Variants in TDRD5 observed in about 807,000 individuals in gnomAD.
TDRD5 encodes tudor domain-containing protein 5.
Under a neutral mutation model 120.6 loss-of-function variants are expected in TDRD5, and 41 were observed. The ratio of observed to expected loss-of-function variants is 0.34; its 90% CI spans 0.26 to 0.44. TDRD5 has a LOEUF of 0.44. Among genes scored for constraint, TDRD5 ranks in the 20% least tolerant of loss-of-function variants. TDRD5 has a pLI of 1.00. For missense variants in TDRD5, 1,006 were observed against 1,221.2 expected, an observed-to-expected ratio of 0.82 and a Z score of 2.63; for synonymous variants, 430 against 433.7, an observed-to-expected ratio of 0.99 and a Z score of 0.11.
intron 17 of TDRD5, 38 bp from the exon 18 acceptor site, chr1:179,690,658 C>T (rs760813676): frequency 5.6e-6 from 9 of 1,596,994 alleles, no homozygotes; most frequent in Non-Finnish European, 6.8e-6. Flanking sequence ...AGTATGAGTA[C>T]CCCTTGAAAA....
rs1426964361 is a variant in TDRD5, at chr1:179,616,012, G to A, written c.832-2587G>A. 2.6e-5 allele frequency among the ~76,000 whole-genome samples: 4 copies of A among 151,938 alleles called. No homozygotes were observed. In the East Asian group the frequency reaches 5.8e-4, roughly 22 times the overall value. Reference sequence around the variant, plus strand: ...ATGGCTGTGTTCTAATAAAACTATGGACACTGAAATTTGAATTTCATATAA... The same window carrying A: ...ATGGCTGTGTTCTAATAAAACTATGAACACTGAAATTTGAATTTCATATAA... On this transcript the variant is annotated intron_variant, in intron 4 of 17. Transcript: ENST00000444136.
chr1:179,639,130 A>G (rs578231775), intron 9 of TDRD5, among the ~76,000 whole-genome samples: 217 of 152,376 alleles, frequency 1.4e-3, no homozygotes, highest in Non-Finnish European at 2.6e-3. Context: ...GTGAGACAGT[A>G]TATAGCAAGA....
chr1:179,598,808 G>A (rs1001983695), intron 4 of TDRD5, among the ~76,000 whole-genome samples: 5 of 151,818 alleles, frequency 3.3e-5, no homozygotes, highest in Non-Finnish European at 5.9e-5. Context: ...AGACCGTCAT[G>A]CCATCTGAGA....
At position 179,639,865 on chromosome 1, in the gene TDRD5, C is replaced by T. The variant is rs766460859; in HGVS notation, c.1547C>T (p.Ser516Phe). 2 of 1,613,944 alleles carry T rather than the reference C, an allele frequency of 1.2e-6. No homozygotes were observed. Among genetic ancestry groups the T allele is most frequent in the Admixed American group, 3.3e-5 (2 of 60,000 alleles). The change falls in exon 10 of 18, where the codon TCT (serine) becomes TTT (phenylalanine). Residue 516 changes from serine (S) to phenylalanine (F), a missense_variant. Physicochemically the swap from Ser to Phe is radical, Grantham distance 155. Around this residue, in one of 3 missense-constraint regions of TDRD5, gnomAD observed 158 missense variants for 257.5 expected, o/e 0.61. Coordinates refer to ENST00000444136, the MANE Select transcript of TDRD5 (RefSeq NM_001199085.3). ...MRRCYSNQLV[S>F]DRYVMPECFI... ...CGCTGTTATTCTAATCAGCTGGTTT[C>T]TGATCGATATGTCATGCCAGAATGT...
chr1:179,662,227 T>G lies in TDRD5; in HGVS notation c.2446T>G (p.Phe816Val). ...GKGGDAASHL[F>V]TASLGGKNQY... ...AGGAGGTGATGCTGCCTCCCATCTA[T>G]TTACTGCAAGCCTTGGTGGAAAGAA... The change falls in exon 15 of 18, where the codon TTT (phenylalanine) becomes GTT (valine). Residue 816 changes from phenylalanine (F) to valine (V), a missense_variant. By Grantham distance (50) the Phe-to-Val change is conservative (BLOSUM62 -1). Around this residue, in one of 3 missense-constraint regions of TDRD5, gnomAD observed 403 missense variants for 448.1 expected, o/e 0.90. Coordinates refer to ENST00000444136, the MANE Select transcript of TDRD5 (RefSeq NM_001199085.3). The G allele has an allele frequency of 6.2e-7, 1 of 1,611,844 alleles. No individual in the cohort carries two copies.
chr1:179,612,178 G>A (rs1483820696), intron 4 of TDRD5, among the ~76,000 whole-genome samples: 2 of 151,858 alleles, frequency 1.3e-5, no homozygotes, highest in African/African-American at 4.8e-5. Context: ...CATCATTTTT[G>A]TCACAAGAAA....
chr1:179,667,353 T>C (rs957719982), intron 16 of TDRD5, among the ~76,000 whole-genome samples: 7 of 152,254 alleles, frequency 4.6e-5, no homozygotes, highest in African/African-American at 1.2e-4. Context: ...AAAGAAGATA[T>C]AGCTTTTTAA....
rs375929466 is a variant in TDRD5, at chr1:179,652,190, G to A, written c.2153G>A (p.Arg718His). The A allele has an allele frequency of 8.1e-6, 13 of 1,599,040 alleles. No homozygotes were observed. Among genetic ancestry groups the A allele is most frequent in the African/African-American group, 2.7e-5 (2 of 73,824 alleles). ...CCACAGTCAAAAGAGAGTGAGTTAC[G>A]TATCTTGGTAAGAGATTTTTGCAAA... ...ISPQSKESEL[R>H]ILQDINDEKS... is the part of the protein sequence containing the mutation. Residue 718 changes from arginine to histidine, a missense_variant, in exon 13 of 18, where the codon CGT (arginine) becomes CAT (histidine). Around this residue, in one of 3 missense-constraint regions of TDRD5, gnomAD observed 403 missense variants for 448.1 expected, o/e 0.90. Transcript: ENST00000444136.
At chr1:179,652,323 A>G in intron 13 of TDRD5, 126 bp downstream of exon 13, 1 of 923,976 alleles carries the variant, frequency 1.1e-6, no homozygotes, top group East Asian at 2.8e-5. Flanking sequence ...GATCTTAACA[A>G]TTTGTCTCTT....
chr1:179,623,261 A>G lies in TDRD5; in HGVS notation c.972+2170A>G, dbSNP rs543105553. On this transcript the variant is annotated intron_variant, in intron 6 of 17. Transcript: ENST00000444136. ...GCTGAAGGAAATAATGCCAGATTGG[A>G]ACTTTAATCTTTAGGAAGGATTGAA... Among the ~76,000 whole-genome samples, 4 of 152,342 alleles carry G rather than the reference A, an allele frequency of 2.6e-5. No individual in the cohort carries two copies. The East Asian group carries it at 7.7e-4, about 29-fold the overall frequency.
At chr1:179,649,477 C>G (rs1426023239) in intron 11 of TDRD5, among the ~76,000 whole-genome samples, 1 of 152,066 alleles carries the variant, frequency 6.6e-6, no homozygotes, top group Non-Finnish European at 1.5e-5. Context: ...AAATACCTCA[C>G]ACTTTACCAA....
At chr1:179,638,059 A>C (rs1330280253) in intron 9 of TDRD5, among the ~76,000 whole-genome samples, 1 of 152,236 alleles carries the variant, frequency 6.6e-6, no homozygotes, top group Non-Finnish European at 1.5e-5. Context: ...AAGTGACGTT[A>C]GCACCAGGTG....
At chr1:179,660,074 T>A (rs1214592876) in intron 14 of TDRD5, among the ~76,000 whole-genome samples, 1 of 152,114 alleles carries the variant, frequency 6.6e-6, no homozygotes, top group African/African-American at 2.4e-5. Context: ...TTTAATGTGA[T>A]TATATATATG....
At chr1:179,651,202 T>G in intron 12 of TDRD5, 135 bp downstream of exon 12, 1 of 941,516 alleles carries the variant, frequency 1.1e-6, no homozygotes, top group African/African-American at 1.7e-5. Flanking sequence ...TCCTGGCTTT[T>G]TAATGCAGAG....
intron 17 of TDRD5, among the ~76,000 whole-genome samples, chr1:179,687,721 G>A (rs571460233): frequency 3.9e-5 from 6 of 152,188 alleles, no homozygotes; most frequent in Admixed American, 6.5e-5. Flanking sequence ...ATGAATCTGG[G>A]TGCTCCTGTA....
chr1:179,637,304 A>G (rs1243699028), intron 9 of TDRD5, among the ~76,000 whole-genome samples: 1 of 152,160 alleles, frequency 6.6e-6, no homozygotes, highest in Admixed American at 6.5e-5. Context: ...TTAAAAGCAC[A>G]CTCACTGGCT....
At chr1:179,677,404 C>A (rs1174557861) in intron 17 of TDRD5, among the ~76,000 whole-genome samples, 1 of 151,906 alleles carries the variant, frequency 6.6e-6, no homozygotes, top group Non-Finnish European at 1.5e-5. Context: ...CTGGTGTGAT[C>A]TTTTAGGGGT....
chr1:179,681,577 T>A (rs1478098987), intron 17 of TDRD5, among the ~76,000 whole-genome samples: 1 of 152,142 alleles, frequency 6.6e-6, no homozygotes, highest in Non-Finnish European at 1.5e-5. Flanking sequence ...GCAAACTTTT[T>A]CTGTAAAGAG....
At chr1:179,675,181 G>T (rs946369153) in intron 17 of TDRD5, among the ~76,000 whole-genome samples, 7 of 150,314 alleles carry the variant, frequency 4.7e-5, no homozygotes, top group African/African-American at 1.7e-4. Flanking sequence ...TTAATGCTAT[G>T]AACTTTCCTC....
Sources: gnomAD v4.1 joint callset for allele counts (sites outside exome capture counted in the v4.1 genomes callset) on GRCh38, gnomAD v4.1.1 for gene constraint, gnomAD v4.1.1 regional missense constraint, MANE v1.5 for transcripts, NCBI Gene and HGNC (gene_info 2026-07-23, HGNC 2026-07-21) for gene names.